ERC2: variants seen among roughly 807,000 people sequenced by gnomAD.
ERC2 encodes ELKS/RAB6-interacting/CAST family member 2, also known as ERC protein 2.
A neutral mutation model predicts 114.8 loss-of-function variants in ERC2; 42 were observed. That is an observed-to-expected ratio of 0.37 (90% CI 0.29 to 0.47). ERC2 has a LOEUF of 0.47. ERC2 is among the 20% of genes least tolerant of loss of function. ERC2 has a pLI of 0.99. For missense variants in ERC2, 939 were observed against 1,150.7 expected, an observed-to-expected ratio of 0.82 and a Z score of 2.66; for synonymous variants, 454 against 425.5, an observed-to-expected ratio of 1.07 and a Z score of -0.82.
At chr3:55,594,838 A>G (rs1419343644) in intron 17 of ERC2, among the ~76,000 whole-genome samples, 1 of 152,074 alleles carries the variant, frequency 6.6e-6, no homozygotes, top group Non-Finnish European at 1.5e-5. Context: ...ATTACATGAT[A>G]ACCTTTCTCA....
intron 15 of ERC2, among the ~76,000 whole-genome samples, chr3:55,701,870 A>T (rs1294633908): frequency 1.3e-5 from 2 of 152,180 alleles, no homozygotes; most frequent in African/African-American, 4.8e-5. Context: ...ATAAATCTGG[A>T]ATTGTTTCTT....
At chr3:56,217,146 C>G (rs969498025) in intron 3 of ERC2, among the ~76,000 whole-genome samples, 1 of 152,116 alleles carries the variant, frequency 6.6e-6, no homozygotes, top group Non-Finnish European at 1.5e-5. Flanking sequence ...CCAGGGCAAT[C>G]AGTCAGGAGA....
At chr3:55,570,570 G>C (rs1396356369) in intron 17 of ERC2, among the ~76,000 whole-genome samples, 1 of 152,122 alleles carries the variant, frequency 6.6e-6, no homozygotes, top group Non-Finnish European at 1.5e-5. Context: ...TCTCTCCCAG[G>C]AGTTCAAAGG....
chr3:55,520,579 G>A (rs985385067), intron 17 of ERC2, among the ~76,000 whole-genome samples: 2 of 152,112 alleles, frequency 1.3e-5, no homozygotes, highest in Admixed American at 6.5e-5. Context: ...TACCATTTTA[G>A]AGGCCTTCTT....
intron 3 of ERC2, among the ~76,000 whole-genome samples, chr3:56,228,643 A>C (rs2050405959): frequency 6.6e-6 from 1 of 152,178 alleles, no homozygotes; most frequent in African/African-American, 2.4e-5. Context: ...TGGCTACTGT[A>C]AATATTGCTG....
chr3:56,408,015 T>C (rs900072346), intron 2 of ERC2, among the ~76,000 whole-genome samples: 5 of 152,222 alleles, frequency 3.3e-5, no homozygotes, highest in African/African-American at 9.6e-5. Context: ...TGCATGTATA[T>C]GGCTTATAGC....
chr3:55,551,373 A>T (rs6794296), intron 17 of ERC2, among the ~76,000 whole-genome samples: 1 of 151,624 alleles, frequency 6.6e-6, no homozygotes, highest in African/African-American at 2.4e-5. Flanking sequence ...AAATACAAAA[A>T]CTAGCCAGGC....
At chr3:56,344,744 G>T (rs2058240048) in intron 2 of ERC2, among the ~76,000 whole-genome samples, 1 of 152,164 alleles carries the variant, frequency 6.6e-6, no homozygotes, top group Non-Finnish European at 1.5e-5. Flanking sequence ...TGGTAATGGT[G>T]GATCATTCAC....
At chr3:56,306,288 G>A (rs552589310) in intron 2 of ERC2, among the ~76,000 whole-genome samples, 1 of 152,196 alleles carries the variant, frequency 6.6e-6, no homozygotes, top group Non-Finnish European at 1.5e-5. Context: ...AGAAATACTT[G>A]TACATGAGCA....
In ERC2 at chr3:55,510,815, A is replaced by G. The variant is rs1046341477; in HGVS notation, c.*501T>C. 2 of 152,232 alleles carry G rather than the reference A, an allele frequency of 1.3e-5. No individual in the cohort carries two copies. The highest frequency in any genetic ancestry group is 4.8e-5 in the African/African-American group (2 of 41,454). 9.4% of individuals were successfully genotyped at this position (152,232 alleles called of 1,614,324 possible). ...TCACAGCGAATTTATACTTTTTGAT[A>G]ATCTAATGCATTAGGAATGACCAAT... is the stretch of plus-strand genomic sequence containing the variant. On this transcript the variant is annotated 3_prime_UTR_variant, in exon 18 of 18. Coordinates refer to ENST00000288221, the MANE Select transcript of ERC2 (RefSeq NM_015576.3).
chr3:55,533,828 A>G (rs1378119284), intron 17 of ERC2, among the ~76,000 whole-genome samples: 1 of 152,168 alleles, frequency 6.6e-6, no homozygotes, highest in Non-Finnish European at 1.5e-5. Context: ...CCAGATGCTG[A>G]GGTTCCTTAT....
In ERC2 at chr3:55,835,085, C is replaced by A. The variant is rs572321568; in HGVS notation, c.2564+53304G>T. ...AATCTCTGAATAGACCAATAACAGG[C>A]TCTGAAATTGTGACCATAATCAATA... On this transcript the variant is annotated intron_variant, in intron 14 of 17. Coordinates refer to ENST00000288221, the MANE Select transcript of ERC2 (RefSeq NM_015576.3). 4.8e-3 allele frequency among the ~76,000 whole-genome samples: 728 copies of A among 151,940 alleles called. 4 individuals are homozygous for A. Among genetic ancestry groups the A allele is most frequent in the African/African-American group, 0.017 (686 of 41,356 alleles).
At chr3:55,630,817 G>C (rs1162913269) in intron 17 of ERC2, among the ~76,000 whole-genome samples, 1 of 152,184 alleles carries the variant, frequency 6.6e-6, no homozygotes, top group Non-Finnish European at 1.5e-5. Context: ...AAATAGGTGT[G>C]CCACTTGAAA....
intron 3 of ERC2, among the ~76,000 whole-genome samples, chr3:56,227,126 T>C (rs938785873): frequency 9.9e-5 from 15 of 152,116 alleles, no homozygotes; most frequent in Admixed American, 7.9e-4. Context: ...ACCACTCCTT[T>C]GCAAATACCC....
At chr3:55,936,484 A>G (rs746732994) in intron 13 of ERC2, among the ~76,000 whole-genome samples, 24 of 152,232 alleles carry the variant, frequency 1.6e-4, no homozygotes, top group Non-Finnish European at 2.9e-4. Context: ...AGTGATGAAG[A>G]AAAATAAAGA....
chr3:56,049,213 G>A (rs1397552346), intron 7 of ERC2, among the ~76,000 whole-genome samples: 5 of 152,194 alleles, frequency 3.3e-5, no homozygotes, highest in African/African-American at 1.2e-4. Flanking sequence ...AGATGAGGCT[G>A]GCTGCTGGGG....
At chr3:55,697,958 A>G (rs2063022289) in intron 16 of ERC2, among the ~76,000 whole-genome samples, 1 of 151,978 alleles carries the variant, frequency 6.6e-6, no homozygotes, top group Non-Finnish European at 1.5e-5. Flanking sequence ...GGTCTACTGG[A>G]GCAGGCAGAG....
At chr3:56,185,861 T>C (rs2083567919) in intron 3 of ERC2, among the ~76,000 whole-genome samples, 1 of 151,978 alleles carries the variant, frequency 6.6e-6, no homozygotes, top group Non-Finnish European at 1.5e-5. Flanking sequence ...TTTCTCTGGC[T>C]GGAGGCAGAG....
At chr3:55,628,837 G>A (rs1046463519) in intron 17 of ERC2, among the ~76,000 whole-genome samples, 13 of 152,218 alleles carry the variant, frequency 8.5e-5, no homozygotes, top group African/African-American at 2.9e-4. Context: ...TGAAGAACAA[G>A]TTGTAGATTT....
Sources: gnomAD v4.1 joint callset for allele counts (sites outside exome capture counted in the v4.1 genomes callset) on GRCh38, gnomAD v4.1.1 for gene constraint, MANE v1.5 for transcripts, NCBI Gene and HGNC (gene_info 2026-07-23, HGNC 2026-07-21) for gene names.